PRRC1: variants seen among roughly 807,000 people sequenced by gnomAD.
PRRC1 encodes the protein proline rich coiled-coil 1, also known as protein PRRC1.
PRRC1 carries 39 observed loss-of-function variants against 40.7 expected under a neutral mutation model. The ratio of observed to expected loss-of-function variants is 0.96; its 90% CI spans 0.74 to 1.25. The LOEUF (loss-of-function observed/expected upper bound fraction) is 1.25. Among genes scored for constraint, PRRC1 ranks in the 50% most tolerant of loss-of-function variants. The probability of loss-of-function intolerance (pLI) is 0.00; values close to 1 mark genes in which losing one functional copy is unlikely to be tolerated. For missense variants in PRRC1, 573 were observed against 548.3 expected, an observed-to-expected ratio of 1.05 and a Z score of -0.45; for synonymous variants, 175 against 193.3, an observed-to-expected ratio of 0.91 and a Z score of 0.79.
Position 127,552,693 on chromosome 5 carries a change from A to G in PRRC1, c.*777A>G, listed in dbSNP as rs1422202259. 1 of 981,714 alleles carries G rather than the reference A, an allele frequency of 1.0e-6. No individual in the cohort carries two copies. The highest frequency in any genetic ancestry group is 1.8e-5 in the African/African-American group (1 of 57,138). The allele number at this position is 981,714 out of a possible 1,614,324, so 60.8% of individuals were successfully genotyped here. On this transcript the variant is annotated 3_prime_UTR_variant, in exon 9 of 9. Coordinates refer to ENST00000296666, the MANE Select transcript of PRRC1 (RefSeq NM_130809.5). Reference sequence around the variant, plus strand: ...AGTATTCAAATTATTTTTGTATAATACTGTTCAGTACTTCCAAGAATAAGC... The same window carrying G: ...AGTATTCAAATTATTTTTGTATAATGCTGTTCAGTACTTCCAAGAATAAGC...
chr5:127,553,780 TACTG>T lies in PRRC1; in HGVS notation c.*1867_*1870del. 1 of 1,534,998 alleles carries T rather than the reference TACTG, an allele frequency of 6.5e-7. No homozygotes were observed. Among genetic ancestry groups the T allele is most frequent in the South Asian group, 1.2e-5 (1 of 83,980 alleles). On this transcript the variant is annotated 3_prime_UTR_variant, in exon 9 of 9. Transcript: ENST00000296666. ...AGAATTGTTCTCATAGAATCACAAA[TACTG>T]ACATTTCATTAGATGATTATTTTCC...
chr5:127,528,691 T>C (rs560293470), intron 4 of PRRC1, among the ~76,000 whole-genome samples: 90 of 152,320 alleles, frequency 5.9e-4, no homozygotes, highest in Non-Finnish European at 1.1e-3. Flanking sequence ...AATGTTCTTC[T>C]GTGATCCCTT....
At chr5:127,530,624 A>G (rs1200314324) in intron 5 of PRRC1, among the ~76,000 whole-genome samples, 1 of 152,174 alleles carries the variant, frequency 6.6e-6, no homozygotes, top group Non-Finnish European at 1.5e-5. Context: ...TGATCCTAGA[A>G]GGAGTAAAAA....
At chr5:127,544,808 G>A (rs1768165762) in intron 7 of PRRC1, among the ~76,000 whole-genome samples, 1 of 152,182 alleles carries the variant, frequency 6.6e-6, no homozygotes, top group South Asian at 2.1e-4. Flanking sequence ...CTAGGAAAGG[G>A]AACTCCCTGA....
intron 6 of PRRC1, among the ~76,000 whole-genome samples, chr5:127,535,426 G>A (rs573961079): frequency 4.6e-5 from 7 of 152,174 alleles, no homozygotes; most frequent in African/African-American, 7.2e-5. Flanking sequence ...TCCCAAAAAG[G>A]ATACCTGTTT....
intron 7 of PRRC1, among the ~76,000 whole-genome samples, chr5:127,545,317 G>T (rs1768186421): frequency 6.6e-6 from 1 of 151,904 alleles, no homozygotes; most frequent in Non-Finnish European, 1.5e-5. Flanking sequence ...AAATCATGCT[G>T]CTATAAAGAC....
At chr5:127,534,136 A>G (rs972340077) in intron 6 of PRRC1, among the ~76,000 whole-genome samples, 1 of 152,178 alleles carries the variant, frequency 6.6e-6, no homozygotes, top group African/African-American at 2.4e-5. Context: ...CCTATTGATA[A>G]TGCTTAAAAA....
chr5:127,537,131 C>T (rs1767921027), intron 6 of PRRC1, among the ~76,000 whole-genome samples: 1 of 151,738 alleles, frequency 6.6e-6, no homozygotes, highest in South Asian at 2.1e-4. Flanking sequence ...GTAGTTATGA[C>T]TACTGTTTTA....
At chr5:127,544,694 A>ATGGAT (rs1458568743) in intron 7 of PRRC1, among the ~76,000 whole-genome samples, 2 of 152,014 alleles carry the variant, frequency 1.3e-5, no homozygotes, top group Non-Finnish European at 2.9e-5. Flanking sequence ...CAGGTGCGGG[A>ATGGAT]TATAATCTCC....
chr5:127,545,553 A>C (rs1411204270), intron 7 of PRRC1, among the ~76,000 whole-genome samples: 1 of 148,272 alleles, frequency 6.7e-6, no homozygotes, highest in African/African-American at 2.5e-5. Context: ...ACCAAACATC[A>C]CATGTTCTCA....
In PRRC1 at chr5:127,526,768, G is replaced by T. The variant is rs1394330090; in HGVS notation, c.644G>T (p.Gly215Val). 1.2e-6 allele frequency: 2 copies of T among 1,603,624 alleles called. No homozygotes were observed. The highest frequency in any genetic ancestry group is 2.3e-5 in the South Asian group (2 of 88,262). The stretch of plus-strand genomic sequence containing the variant: ...GAAGCATCTGCTGGTGGAATCTGGG[G>T]TTTTATTAAGGTAAGACGTGTTTAA... ...QDEASAGGIW[G>V]FIKGVAGNPM... Residue 215 changes from glycine to valine, a missense_variant, in exon 4 of 9, where the codon GGT becomes GTT. By Grantham distance (109) the Gly-to-Val change is moderately radical. Transcript: ENST00000296666.
intron 1 of PRRC1, among the ~76,000 whole-genome samples, chr5:127,520,560 A>C (rs535410880): frequency 6.6e-6 from 1 of 152,370 alleles, no homozygotes; most frequent in East Asian, 1.9e-4. Context: ...AGCCAACTTC[A>C]AAAGGTTATA....
chr5:127,537,634 G>A (rs1767932994), intron 6 of PRRC1, among the ~76,000 whole-genome samples: 1 of 151,920 alleles, frequency 6.6e-6, no homozygotes. Context: ...TTCCCTGGAA[G>A]CATAAAATCT....
At position 127,551,749 on chromosome 5, in the gene PRRC1, G is replaced by A. The variant is rs941066245; in HGVS notation, c.1171G>A (p.Gly391Ser). 5.6e-6 allele frequency: 9 copies of A among 1,614,030 alleles called. No homozygotes were observed. Among genetic ancestry groups the A allele is most frequent in the African/African-American group, 1.3e-5 (1 of 74,918 alleles). ...TPQDYNLRWSGLLVTVGEVLE... is the reference protein window; with the variant it reads ...TPQDYNLRWSSLLVTVGEVLE... ...CCAGGACTATAATCTGAGGTGGTCA[G>A]GCCTTTTGGTGACAGTGGGTGAAGT... Residue 391 changes from glycine to serine, a missense_variant, in exon 9 of 9, where the codon GGC becomes AGC. By Grantham distance (56) the Gly-to-Ser change is moderately conservative. Transcript: ENST00000296666.
chr5:127,547,749 T>C (rs1239231867), intron 7 of PRRC1, 70 bp from the exon 8 acceptor site: 1 of 1,046,236 alleles, frequency 9.6e-7, no homozygotes, highest in Non-Finnish European at 1.4e-6. Context: ...TACTTGTTTT[T>C]TCTTTTTGTC....
chr5:127,524,618 C>G lies in PRRC1; in HGVS notation c.191C>G (p.Pro64Arg). 2.5e-6 allele frequency: 4 copies of G among 1,614,194 alleles called. No homozygotes were observed. Among genetic ancestry groups the G allele is most frequent in the Non-Finnish European group, 3.4e-6 (4 of 1,180,028 alleles). Residue 64 changes from proline (P) to arginine (R), a missense_variant, in exon 3 of 9, where the codon CCT becomes CGT. Pro to Arg is a moderately radical substitution (Grantham distance 103, BLOSUM62 -2). Coordinates refer to ENST00000296666, the MANE Select transcript of PRRC1 (RefSeq NM_130809.5). ...LAYSTPQPPLPPVRPSAPLPF... is the reference protein window; with the variant it reads ...LAYSTPQPPLRPVRPSAPLPF... Reference sequence around the variant, plus strand: ...TACTCTACTCCTCAGCCGCCCCTTCCTCCTGTGAGGCCTTCAGCACCATTA... The same window carrying G: ...TACTCTACTCCTCAGCCGCCCCTTCGTCCTGTGAGGCCTTCAGCACCATTA...
Position 127,526,696 on chromosome 5 carries a change from C to A in PRRC1, c.572C>A (p.Thr191Asn), listed in dbSNP as rs776237679. ...AQGTGTTSAI[T>N]FPEEQEDPRI... ...GGAACTGGAACCACATCAGCCATTA[C>A]TTTCCCAGAGGAGCAAGAAGACCCT... The change falls in exon 4 of 9, where the codon ACT becomes AAT. Residue 191 changes from threonine to asparagine, a missense_variant. Coordinates refer to ENST00000296666, the MANE Select transcript of PRRC1 (RefSeq NM_130809.5). The A allele has an allele frequency of 1.2e-6, 2 of 1,613,680 alleles. No individual in the cohort carries two copies. Among genetic ancestry groups the A allele is most frequent in the Non-Finnish European group, 1.7e-6 (2 of 1,179,738 alleles).
At position 127,536,924 on chromosome 5, in the gene PRRC1, T is replaced by G. The variant is rs114803063; in HGVS notation, c.922-2116T>G. On this transcript the variant is annotated intron_variant, in intron 6 of 8. Coordinates refer to ENST00000296666, the MANE Select transcript of PRRC1 (RefSeq NM_130809.5). ...TGAGAAGAAAAATAATGTAGAGTCT[T>G]AGAGTATAAAATGGTAACCTGTTTT... Among the ~76,000 whole-genome samples, 1,178 of 152,018 alleles carry G rather than the reference T, an allele frequency of 7.7e-3. 16 individuals carry two copies. The highest frequency in any genetic ancestry group is 0.027 in the African/African-American group (1,107 of 41,534).
chr5:127,524,220 G>A (rs1477009513), intron 2 of PRRC1: 10 of 239,308 alleles, frequency 4.2e-5, no homozygotes, highest in Non-Finnish European at 8.1e-5. Context: ...AGCCTTCAGG[G>A]CATAGGTTTT....
Sources: gnomAD v4.1 joint callset for allele counts (sites outside exome capture counted in the v4.1 genomes callset) on GRCh38, gnomAD v4.1.1 for gene constraint, MANE v1.5 for transcripts, NCBI Gene and HGNC (gene_info 2026-07-23, HGNC 2026-07-21) for gene names.